The following DNAH11 variants were observed in gnomAD, a reference collection of about 807,000 sequenced individuals.
DNAH11 encodes the protein dynein axonemal heavy chain 11.
In DNAH11, 442 loss-of-function variants were observed where a neutral mutation model predicts 526.0. The observed-to-expected ratio is 0.84, with a 90% CI of 0.78 to 0.91. DNAH11 has a LOEUF of 0.91. Among genes scored for constraint, DNAH11 ranks in the 40% least tolerant of loss-of-function variants. DNAH11 has a pLI of 0.00. For synonymous variants in DNAH11, 2,461 were observed against 1,935.9 expected, an observed-to-expected ratio of 1.27 and a Z score of -7.12; for missense variants, 6,989 against 5,448.7, an observed-to-expected ratio of 1.28 and a Z score of -8.90.
rs1330445927 is a variant in DNAH11, at chr7:21,726,935, C to CTTTTTTTTT, written c.7440+959_7440+967dup. ...CTGTTATATTTCTGCATCCTCTTTTCTTTTTTTTTTTTTTTTGAGATGGAG... is the reference window on the plus strand; with the variant it reads ...CTGTTATATTTCTGCATCCTCTTTTCTTTTTTTTTTTTTTTTTTTTTTTTTGAGATGGAG... On this transcript the variant is annotated intron_variant, in intron 45 of 81. Transcript: ENST00000409508. Among the ~76,000 whole-genome samples, 4 of 31,990 alleles carry CTTTTTTTTT rather than the reference C, an allele frequency of 1.3e-4. 1 individual carries two copies. The highest frequency in any genetic ancestry group is 1.6e-3 in the South Asian group (1 of 636). The allele number at this position is 31,990 out of a possible 152,430, so 21.0% of individuals were successfully genotyped here.
intron 18 of DNAH11, among the ~76,000 whole-genome samples, chr7:21,605,811 G>A (rs987423209): frequency 1.3e-5 from 2 of 152,086 alleles, no homozygotes; most frequent in African/African-American, 4.8e-5. Context: ...TATTCCCACA[G>A]CAGCAAAACA....
At chr7:21,707,856 G>A (rs1465542081) in intron 40 of DNAH11, 21 bp downstream of exon 40, 1 of 1,549,864 alleles carries the variant, frequency 6.5e-7, no homozygotes. Flanking sequence ...CCCTTTAGAA[G>A]TGCTCAATTT....
In DNAH11 at chr7:21,880,858, A is replaced by G. The variant is rs1783899391; in HGVS notation, c.12352A>G (p.Ser4118Gly). The G allele has an allele frequency of 2.5e-6, 4 of 1,613,156 alleles. No individual in the cohort carries two copies. Among genetic ancestry groups the G allele is most frequent in the South Asian group, 1.1e-5 (1 of 90,832 alleles). ...FNPGDLTICA[S>G]VLYNYLEANS... is the part of the protein sequence containing the mutation. ...TCCTGGAGACCTCACCATTTGTGCCAGTGTCCTCTACAACTACTTAGAGGC... is the reference window on the plus strand; with the variant it reads ...TCCTGGAGACCTCACCATTTGTGCCGGTGTCCTCTACAACTACTTAGAGGC... The change falls in exon 75 of 82, where the codon AGT (serine) becomes GGT (glycine). Residue 4118 changes from serine (S) to glycine (G), a missense_variant. Physicochemically the swap from Ser to Gly is moderately conservative, Grantham distance 56. Coordinates refer to ENST00000409508, the MANE Select transcript of DNAH11 (RefSeq NM_001277115.2).
chr7:21,721,365 C>T (rs1784868702), intron 44 of DNAH11, among the ~76,000 whole-genome samples: 1 of 152,190 alleles, frequency 6.6e-6, no homozygotes. Flanking sequence ...TCTTCTCCAT[C>T]CCTGCAGCCT....
At chr7:21,654,677 C>A (rs55880336) in intron 28 of DNAH11, among the ~76,000 whole-genome samples, 1 of 152,138 alleles carries the variant, frequency 6.6e-6, no homozygotes, top group Non-Finnish European at 1.5e-5. Context: ...TTCCACTTAG[C>A]GGCTTTTATT....
At chr7:21,666,945 T>C (rs1782443861) in intron 30 of DNAH11, among the ~76,000 whole-genome samples, 1 of 151,954 alleles carries the variant, frequency 6.6e-6, no homozygotes, top group South Asian at 2.1e-4. Context: ...GAACAGATGA[T>C]TTGAGGAATG....
In DNAH11 at chr7:21,599,845, A is replaced by T. The variant is rs1785003633; in HGVS notation, c.2726A>T (p.Glu909Val). ...PSLDTWKIYV[E>V]FIDDIVVEGF... is the part of the protein sequence containing the mutation. ...CTGGATACCTGGAAAATTTATGTAG[A>T]ATTCATTGACGACATTGTGGTGGAA... Residue 909 changes from glutamate to valine, a missense_variant, in exon 15 of 82, where the codon GAA (glutamate) becomes GTA (valine). By Grantham distance (121) the Glu-to-Val change is moderately radical (BLOSUM62 -2). Coordinates refer to ENST00000409508, the MANE Select transcript of DNAH11 (RefSeq NM_001277115.2). 1 of 1,601,134 alleles carries T rather than the reference A, an allele frequency of 6.2e-7. No individual in the cohort carries two copies. Among genetic ancestry groups the T allele is most frequent in the South Asian group, 1.1e-5 (1 of 89,088 alleles).
intron 25 of DNAH11, among the ~76,000 whole-genome samples, chr7:21,624,653 T>C (rs1181787867): frequency 4.0e-5 from 6 of 151,710 alleles, no homozygotes; most frequent in Admixed American, 3.9e-4. Context: ...AAGCTTTTGA[T>C]TTTTTGCTGT....
intron 54 of DNAH11, among the ~76,000 whole-genome samples, chr7:21,762,150 C>G (rs142314539): frequency 6.6e-6 from 1 of 152,094 alleles, no homozygotes; most frequent in Non-Finnish European, 1.5e-5. Context: ...GTCCCTCCCT[C>G]GACACATGAG....
At position 21,901,182 on chromosome 7, in the gene DNAH11, C is replaced by A. The variant is rs1258561055; in HGVS notation, c.13479C>A (p.Thr4493=). The change falls in exon 82 of 82, where the codon ACC becomes ACA. Residue 4493 remains threonine, a synonymous_variant. Transcript: ENST00000409508. The part of the protein sequence containing the change: ...TKLRGPSYIW[T]FRLKSEEKTA... Reference sequence around the variant, plus strand: ...TGAGAGGCCCCAGCTACATCTGGACCTTCAGGCTGAAGAGCGAAGAGAAGA... The same window carrying A: ...TGAGAGGCCCCAGCTACATCTGGACATTCAGGCTGAAGAGCGAAGAGAAGA... 6.2e-7 allele frequency: 1 copy of A among 1,613,122 alleles called. No individual in the cohort carries two copies. Among genetic ancestry groups the A allele is most frequent in the East Asian group, 2.2e-5 (1 of 44,854 alleles).
intron 8 of DNAH11, among the ~76,000 whole-genome samples, chr7:21,572,273 G>A (rs1783922791): frequency 6.6e-6 from 1 of 152,168 alleles, no homozygotes; most frequent in African/African-American, 2.4e-5. Flanking sequence ...TTGATCTGAT[G>A]TCCATGTAAC....
chr7:21,557,192 T>A (rs1389554795), intron 2 of DNAH11, among the ~76,000 whole-genome samples: 1 of 152,166 alleles, frequency 6.6e-6, no homozygotes, highest in African/African-American at 2.4e-5. Context: ...ACAGCCCAAG[T>A]ATTGCCATTT....
chr7:21,551,436 C>T (rs1252115319), intron 2 of DNAH11, among the ~76,000 whole-genome samples: 3 of 152,186 alleles, frequency 2.0e-5, no homozygotes, highest in African/African-American at 7.2e-5. Flanking sequence ...CAATTCCTTT[C>T]CGCTGCTATT....
At chr7:21,768,763 A>G (rs1169226356) in intron 55 of DNAH11, among the ~76,000 whole-genome samples, 3 of 152,196 alleles carry the variant, frequency 2.0e-5, no homozygotes, top group African/African-American at 4.8e-5. Flanking sequence ...AAGTTATTTT[A>G]CTGCTATATT....
At chr7:21,589,427 G>A in intron 12 of DNAH11, 24 bp downstream of exon 12, 1 of 1,553,366 alleles carries the variant, frequency 6.4e-7, no homozygotes, top group Non-Finnish European at 8.7e-7. Context: ...TTTTTAAGAT[G>A]ATTTATAAGT....
intron 68 of DNAH11, among the ~76,000 whole-genome samples, chr7:21,859,869 GAACAAC>G (rs371950882): frequency 4.0e-5 from 6 of 151,716 alleles, no homozygotes; most frequent in East Asian, 1.9e-4. Flanking sequence ...AAGTACATGG[GAACAAC>G]AACAACAACA....
chr7:21,770,796 T>C (rs1481692048), intron 55 of DNAH11, among the ~76,000 whole-genome samples: 2 of 152,184 alleles, frequency 1.3e-5, no homozygotes, highest in Admixed American at 6.5e-5. Context: ...TTTTCAGAAC[T>C]GGAAATCTAG....
intron 2 of DNAH11, among the ~76,000 whole-genome samples, chr7:21,554,755 G>A (rs1382964350): frequency 6.6e-6 from 1 of 152,186 alleles, no homozygotes; most frequent in African/African-American, 2.4e-5. Flanking sequence ...TTCAGTACTT[G>A]TAAGAGGAGC....
At chr7:21,776,616 C>G (rs891992212) in intron 56 of DNAH11, among the ~76,000 whole-genome samples, 1 of 152,174 alleles carries the variant, frequency 6.6e-6, no homozygotes, top group Non-Finnish European at 1.5e-5. Context: ...TCCTAGTGAC[C>G]TTTCTTCATA....
Sources: allele counts gnomAD v4.1 joint callset (sites outside exome capture counted in the v4.1 genomes callset), GRCh38; gene constraint gnomAD v4.1.1; transcripts MANE v1.5; gene names NCBI Gene and HGNC (gene_info 2026-07-23, HGNC 2026-07-21).